The following RBFOX3 variants were observed in gnomAD, a reference collection of about 807,000 sequenced individuals.
The protein encoded by RBFOX3 is RNA binding protein fox-1 homolog 3.
A neutral mutation model predicts 48.7 loss-of-function variants in RBFOX3; 17 were observed. The observed-to-expected ratio is 0.35, with a 90% CI of 0.24 to 0.52. The LOEUF is 0.52. Among genes scored for constraint, RBFOX3 ranks in the 20% least tolerant of loss-of-function variants. The probability of loss-of-function intolerance (pLI) is 0.94; values close to 1 mark genes in which losing one functional copy is unlikely to be tolerated. For missense variants in RBFOX3, 382 were observed against 497.5 expected (o/e 0.77, Z 2.21); for synonymous variants, 212 against 209.5 (o/e 1.01, Z -0.10).
intron 1 of RBFOX3, among the ~76,000 whole-genome samples, chr17:79,531,716 G>A (rs968995452): frequency 6.6e-5 from 10 of 152,098 alleles, no homozygotes; most frequent in African/African-American, 1.9e-4. Context: ...GGCAGCAAAC[G>A]CACCCAGTTT....
intron 1 of RBFOX3, among the ~76,000 whole-genome samples, chr17:79,530,605 C>A (rs1257228259): frequency 6.6e-6 from 1 of 152,108 alleles, no homozygotes; most frequent in African/African-American, 2.4e-5. Context: ...GGAGGATGGC[C>A]GCCCCAGCAG....
intron 1 of RBFOX3, among the ~76,000 whole-genome samples, chr17:79,507,193 T>C (rs1296576622): frequency 1.3e-5 from 2 of 152,148 alleles, no homozygotes; most frequent in Non-Finnish European, 2.9e-5. Flanking sequence ...TCCCGCCTGC[T>C]TCTTATCAGA....
intron 1 of RBFOX3, among the ~76,000 whole-genome samples, chr17:79,602,306 G>A (rs1479497933): frequency 3.9e-5 from 6 of 152,356 alleles, no homozygotes; most frequent in African/African-American, 7.2e-5. Flanking sequence ...TCGACACAGC[G>A]TTGGCTGTCT....
chr17:79,618,077 G>A, the RBFOX3 span, among the ~76,000 whole-genome samples: 1 of 152,170 alleles, frequency 6.6e-6, no homozygotes, highest in African/African-American at 2.4e-5. Flanking sequence ...CTCCTCCCAC[G>A]TGGATGGGAA....
chr17:79,166,322 A>G (rs928973650), intron 4 of RBFOX3, among the ~76,000 whole-genome samples: 1 of 152,202 alleles, frequency 6.6e-6, no homozygotes, highest in African/African-American at 2.4e-5. Context: ...AGGCCCGGGC[A>G]GTTGTGGGGA....
At chr17:79,427,497 C>G (rs148566452) in intron 2 of RBFOX3, among the ~76,000 whole-genome samples, 2 of 152,220 alleles carry the variant, frequency 1.3e-5, no homozygotes, top group African/African-American at 4.8e-5. Flanking sequence ...AGGCCGAATA[C>G]GCTTGGGAGC....
intron 4 of RBFOX3, among the ~76,000 whole-genome samples, chr17:79,146,638 C>T (rs1355352357): frequency 6.6e-6 from 1 of 152,220 alleles, no homozygotes; most frequent in Non-Finnish European, 1.5e-5. Flanking sequence ...AGCTGAGGGG[C>T]TGGTCTGTGT....
At chr17:79,659,172 G>T in the RBFOX3 span, among the ~76,000 whole-genome samples, 1 of 152,168 alleles carries the variant, frequency 6.6e-6, no homozygotes, top group African/African-American at 2.4e-5. Flanking sequence ...GAAGTGGAAG[G>T]CATTGCTTCC....
rs117590554 is a variant in RBFOX3, at chr17:79,362,895, G to C, written c.-174-55071C>G. ...TCTCGGACACTTCGAGGCCACACAG[G>C]TGTGAGAGGTCCCACTCCCCAATCT... On this transcript the variant is annotated intron_variant, in intron 2 of 14. Coordinates refer to ENST00000693108, the MANE Select transcript of RBFOX3 (RefSeq NM_001350451.2). The surrounding 1 kb of genome is among the most constrained non-coding windows in gnomAD (Gnocchi z 4.2). Among the ~76,000 whole-genome samples, 518 of 152,302 alleles carry C rather than the reference G, an allele frequency of 3.4e-3. 3 individuals carry two copies. Among genetic ancestry groups the C allele is most frequent in the Non-Finnish European group, 6.1e-3 (416 of 68,008 alleles).
At chr17:79,184,911 G>A (rs982534287) in intron 4 of RBFOX3, among the ~76,000 whole-genome samples, 8 of 152,208 alleles carry the variant, frequency 5.3e-5, no homozygotes, top group Non-Finnish European at 1.0e-4. Context: ...CCCGAGAGAT[G>A]GGTCAGATGT....
chr17:79,244,152 A>G lies in RBFOX3; in HGVS notation c.-73-8347T>C, dbSNP rs1381283096. Among the ~76,000 whole-genome samples the G allele has an allele frequency of 2.0e-5, 3 of 152,322 alleles. No homozygotes were observed. The East Asian group carries it at 5.8e-4, about 29-fold the overall frequency. Reference sequence around the variant, plus strand: ...ATGTAATTAGTGAAGATGAGGTCATAGTGGAACAGACTGGGCCCTACATCC... The same window carrying G: ...ATGTAATTAGTGAAGATGAGGTCATGGTGGAACAGACTGGGCCCTACATCC... On this transcript the variant is annotated intron_variant, in intron 3 of 14. Transcript: ENST00000693108.
chr17:79,648,807 C>T, the RBFOX3 span, among the ~76,000 whole-genome samples: 1 of 152,042 alleles, frequency 6.6e-6, no homozygotes, highest in South Asian at 2.1e-4. Flanking sequence ...CAGTGGGTTG[C>T]GGGCAGAAAT....
At chr17:79,151,140 G>A (rs559433579) in intron 4 of RBFOX3, among the ~76,000 whole-genome samples, 10 of 152,006 alleles carry the variant, frequency 6.6e-5, no homozygotes, top group South Asian at 2.1e-4. Context: ...TTTGATCCTC[G>A]CGCTGCTCCC....
intron 4 of RBFOX3, among the ~76,000 whole-genome samples, chr17:79,223,924 G>A (rs1015557155): frequency 3.9e-5 from 6 of 152,170 alleles, no homozygotes; most frequent in African/African-American, 1.2e-4. Context: ...ACAAGGCAAA[G>A]GTGTGTATAT....
At chr17:79,218,409 A>G (rs1211086413) in intron 4 of RBFOX3, among the ~76,000 whole-genome samples, 1 of 152,050 alleles carries the variant, frequency 6.6e-6, no homozygotes, top group Non-Finnish European at 1.5e-5. Context: ...GATGAGAAGG[A>G]GAGGCTCCCC....
intron 4 of RBFOX3, among the ~76,000 whole-genome samples, chr17:79,147,640 C>A (rs2043312315): frequency 6.6e-6 from 1 of 152,226 alleles, no homozygotes; most frequent in Non-Finnish European, 1.5e-5. Flanking sequence ...AGGTAGTTGG[C>A]AAGACCCCAA....
chr17:79,142,207 G>A (rs914895284), intron 4 of RBFOX3, among the ~76,000 whole-genome samples: 4 of 152,090 alleles, frequency 2.6e-5, no homozygotes, highest in African/African-American at 9.7e-5. Flanking sequence ...AAAACTCCCT[G>A]TGTGCCTTGT....
intron 4 of RBFOX3, among the ~76,000 whole-genome samples, chr17:79,133,041 G>A (rs1291640049): frequency 2.0e-5 from 3 of 152,328 alleles, no homozygotes; most frequent in Admixed American, 6.5e-5. Context: ...TGCCAAGGCT[G>A]GGTGGGCCTC....
the RBFOX3 span, among the ~76,000 whole-genome samples, chr17:79,653,220 A>G: frequency 2.0e-5 from 3 of 152,202 alleles, no homozygotes; most frequent in African/African-American, 7.2e-5. Flanking sequence ...ACGTCGGCAC[A>G]GGGTTGAGCA....
Sources: gnomAD v4.1 joint callset for allele counts (sites outside exome capture counted in the v4.1 genomes callset) on GRCh38, gnomAD v4.1.1 for gene constraint, Gnocchi (gnomAD v3.1) non-coding constraint, MANE v1.5 for transcripts, NCBI Gene and HGNC (gene_info 2026-07-23, HGNC 2026-07-21) for gene names.